The following NAALADL2 variants were observed in gnomAD, a reference collection of about 807,000 sequenced individuals.
The protein encoded by NAALADL2 is inactive N-acetylated-alpha-linked acidic dipeptidase-like protein 2.
Under a neutral mutation model 87.2 loss-of-function variants are expected in NAALADL2, and 76 were observed. The observed-to-expected ratio is 0.87, with a 90% CI of 0.72 to 1.05. The LOEUF (loss-of-function observed/expected upper bound fraction) is 1.05, where lower values mean the gene tolerates loss of function less well. Ranked by LOEUF, NAALADL2 falls within the 50% of genes least tolerant of loss-of-function variation. NAALADL2 has a pLI of 0.00. For missense variants in NAALADL2, 1,089 were observed against 945.8 expected (o/e 1.15, Z -1.99); for synonymous variants, 354 against 331.0 (o/e 1.07, Z -0.75).
chr3:174,836,703 C>T lies in NAALADL2; in HGVS notation c.-9+98957C>T, dbSNP rs764794879. ...CAGCCTGGGTGACAGAGCGAGACTCCGTCTCAAAAAAAAAAAAAAAAAAAA... is the reference window on the plus strand; with the variant it reads ...CAGCCTGGGTGACAGAGCGAGACTCTGTCTCAAAAAAAAAAAAAAAAAAAA... On this transcript the variant is annotated intron_variant, in intron 3 of 3. Coordinates refer to the NAALADL2 transcript ENST00000434257. Among the ~76,000 whole-genome samples, 142 of 92,028 alleles carry T rather than the reference C, an allele frequency of 1.5e-3. 5 individuals are homozygous for T. Among genetic ancestry groups the T allele is most frequent in the Non-Finnish European group, 7.6e-4 (38 of 50,190 alleles). The allele number at this position is 92,028 out of a possible 152,430, so 60.4% of individuals were successfully genotyped here. A position where few individuals can be genotyped will look rare whatever the true frequency, so the allele number is the denominator to read the frequency against.
chr3:174,716,824 T>C (rs1731238208), intron 2 of NAALADL2, among the ~76,000 whole-genome samples: 1 of 152,092 alleles, frequency 6.6e-6, no homozygotes, highest in South Asian at 2.1e-4. Context: ...GTTAATAATG[T>C]ATGATTATAT....
intron 11 of NAALADL2, among the ~76,000 whole-genome samples, chr3:175,697,756 AATGT>A (rs1738051727): frequency 6.8e-6 from 1 of 147,484 alleles, no homozygotes; most frequent in African/African-American, 2.5e-5. Context: ...CACACATGTA[AATGT>A]ATGTATACAT....
chr3:174,844,993 G>T (rs1724455317), intron 3 of NAALADL2, among the ~76,000 whole-genome samples: 1 of 151,788 alleles, frequency 6.6e-6, no homozygotes, highest in Non-Finnish European at 1.5e-5. Context: ...GGGGGAGTGG[G>T]GCTGCCTCCA....
chr3:175,162,076 CT>C (rs1733309943), intron 2 of NAALADL2, among the ~76,000 whole-genome samples: 2 of 152,150 alleles, frequency 1.3e-5, no homozygotes, highest in African/African-American at 4.8e-5. Flanking sequence ...TTAGATTTTG[CT>C]GCTGTTGAAG....
chr3:174,634,373 G>T (rs1722431155), intron 2 of NAALADL2, among the ~76,000 whole-genome samples: 1 of 152,102 alleles, frequency 6.6e-6, no homozygotes. Context: ...ATGTAAGAGA[G>T]CAGAGTTATA....
intron 1 of NAALADL2, among the ~76,000 whole-genome samples, chr3:175,028,584 C>T (rs1407931380): frequency 6.6e-6 from 1 of 151,896 alleles, no homozygotes; most frequent in Non-Finnish European, 1.5e-5. Context: ...ACCATTTTTA[C>T]CTCAGAAGTT....
chr3:174,758,813 A>G (rs1712488337), intron 3 of NAALADL2, among the ~76,000 whole-genome samples: 2 of 152,198 alleles, frequency 1.3e-5, no homozygotes, highest in Non-Finnish European at 1.5e-5. Flanking sequence ...TTTTCATTGG[A>G]TCATGAGAAA....
intron 1 of NAALADL2, among the ~76,000 whole-genome samples, chr3:174,972,456 C>T (rs968196334): frequency 6.6e-6 from 1 of 152,060 alleles, no homozygotes; most frequent in African/African-American, 2.4e-5. Context: ...AGATGACCAC[C>T]TTCTCTCTGC....
intron 3 of NAALADL2, among the ~76,000 whole-genome samples, chr3:175,252,630 A>C (rs1581129680): frequency 6.6e-6 from 1 of 152,214 alleles, no homozygotes; most frequent in African/African-American, 2.4e-5. Context: ...GAAATGATTA[A>C]GCTTAGTAAG....
intron 1 of NAALADL2, among the ~76,000 whole-genome samples, chr3:175,077,977 T>C (rs565707727): frequency 6.6e-6 from 1 of 152,056 alleles, no homozygotes; most frequent in East Asian, 1.9e-4. Context: ...ACACTCATAA[T>C]GAGAATAATG....
chr3:174,818,181 A>C (rs1463294746), intron 3 of NAALADL2, among the ~76,000 whole-genome samples: 1 of 152,192 alleles, frequency 6.6e-6, no homozygotes, highest in Non-Finnish European at 1.5e-5. Flanking sequence ...TTGTTTAATA[A>C]AAATCACTTT....
At chr3:174,990,215 T>C (rs1018207948) in intron 1 of NAALADL2, among the ~76,000 whole-genome samples, 2 of 152,178 alleles carry the variant, frequency 1.3e-5, no homozygotes, top group African/African-American at 4.8e-5. Context: ...GTCGAAACTA[T>C]TGATATAATG....
At chr3:174,462,084 G>T (rs1339286609) in intron 1 of NAALADL2, among the ~76,000 whole-genome samples, 1 of 127,920 alleles carries the variant, frequency 7.8e-6, no homozygotes, top group East Asian at 3.0e-4. Context: ...TTTAATATTT[G>T]AAAATATTCT....
intron 9 of NAALADL2, among the ~76,000 whole-genome samples, chr3:175,523,928 CAT>C (rs1421582120): frequency 1.3e-5 from 2 of 152,186 alleles, no homozygotes; most frequent in Non-Finnish European, 2.9e-5. Context: ...ATTTAGAACT[CAT>C]ATCTAAGTGC....
intron 2 of NAALADL2, among the ~76,000 whole-genome samples, chr3:174,654,761 A>C (rs1724728333): frequency 6.6e-6 from 1 of 152,074 alleles, no homozygotes; most frequent in South Asian, 2.1e-4. Flanking sequence ...TTTGAGATGG[A>C]GTCTTGCTCT....
At chr3:175,429,602 C>G (rs1421275213) in intron 5 of NAALADL2, among the ~76,000 whole-genome samples, 1 of 151,918 alleles carries the variant, frequency 6.6e-6, no homozygotes, top group Non-Finnish European at 1.5e-5. Context: ...TTTCTGACCC[C>G]AAATCCATTT....
intron 1 of NAALADL2, among the ~76,000 whole-genome samples, chr3:174,917,010 C>T (rs952582388): frequency 6.6e-6 from 1 of 152,024 alleles, no homozygotes; most frequent in Non-Finnish European, 1.5e-5. Context: ...ATCCTTGGTA[C>T]ACCTGGTGGT....
chr3:174,682,382 G>GCC (rs1490461961), intron 2 of NAALADL2, among the ~76,000 whole-genome samples: 11 of 152,148 alleles, frequency 7.2e-5, no homozygotes, highest in Non-Finnish European at 8.8e-5. Context: ...ATCTGCTGTT[G>GCC]ATAGAGCCCT....
chr3:174,647,561 C>A (rs1453052770), intron 2 of NAALADL2, among the ~76,000 whole-genome samples: 1 of 152,122 alleles, frequency 6.6e-6, no homozygotes, highest in African/African-American at 2.4e-5. Flanking sequence ...ATGTTGGCAA[C>A]TAATTGAAAA....
Sources: allele counts gnomAD v4.1 joint callset (sites outside exome capture counted in the v4.1 genomes callset), GRCh38; gene constraint gnomAD v4.1.1; transcripts MANE v1.5; gene names NCBI Gene and HGNC (gene_info 2026-07-23, HGNC 2026-07-21).